The following SYTL5 variants were observed in gnomAD, a reference collection of about 807,000 sequenced individuals.
SYTL5 encodes the protein synaptotagmin like 5.
Under a neutral mutation model 55.9 loss-of-function variants are expected in SYTL5, and 34 were observed. The ratio of observed to expected loss-of-function variants is 0.61; its 90% confidence interval spans 0.46 to 0.81. SYTL5 has a LOEUF of 0.81. Among genes scored for constraint, SYTL5 ranks in the 30% least tolerant of loss-of-function variants. SYTL5 has a pLI of 0.00. For missense variants in SYTL5, 637 were observed against 546.7 expected (o/e 1.17, Z -1.65); for synonymous variants, 221 against 188.7 (o/e 1.17, Z -1.40).
intron 1 of SYTL5, among the ~76,000 whole-genome samples, chrX:38,013,463 G>A (rs1334191558): frequency 9.0e-6 from 1 of 111,513 alleles, no homozygotes; most frequent in Non-Finnish European, 1.9e-5. Flanking sequence ...GTTCAGTACT[G>A]CTCCTAATGA....
chrX:37,911,583 C>G, the SYTL5 span, among the ~76,000 whole-genome samples: 7 of 111,334 alleles, frequency 6.3e-5, no homozygotes, highest in Non-Finnish European at 9.4e-5. Flanking sequence ...AATTTCCCCC[C>G]TAAAACATTA....
At chrX:38,028,460 G>A (rs1032057646) in intron 1 of SYTL5, among the ~76,000 whole-genome samples, 2 of 112,351 alleles carry the variant, frequency 1.8e-5, no homozygotes, top group South Asian at 7.4e-4. Flanking sequence ...GAGAAGTCAG[G>A]TAGAGAGAAA....
At chrX:37,939,665 T>C in the SYTL5 span, 1 of 112,670 alleles carries the variant, frequency 8.9e-6, no homozygotes, top group Non-Finnish European at 1.9e-5. Flanking sequence ...GAAAATTTCC[T>C]ACATCTGAGG....
chrX:37,968,228 A>G, the SYTL5 span, among the ~76,000 whole-genome samples: 1 of 111,074 alleles, frequency 9.0e-6, no homozygotes, highest in Non-Finnish European at 1.9e-5. Flanking sequence ...AGTACTAGAA[A>G]GGCGAAAACA....
chrX:37,909,205 C>T, the SYTL5 span, among the ~76,000 whole-genome samples: 24,663 of 111,160 alleles, frequency 0.22, 2,402 homozygotes, highest in African/African-American at 0.37. Context: ...TATTATTGCC[C>T]GCTTTGATTT....
At chrX:38,123,599 A>G (rs1569195681) in intron 15 of SYTL5, among the ~76,000 whole-genome samples, 1 of 112,021 alleles carries the variant, frequency 8.9e-6, no homozygotes, top group Non-Finnish European at 1.9e-5. Flanking sequence ...AATTTGTGTC[A>G]TTAGCCCTAC....
chrX:37,952,062 G>A, the SYTL5 span, among the ~76,000 whole-genome samples: 1 of 111,207 alleles, frequency 9.0e-6, no homozygotes, highest in Non-Finnish European at 1.9e-5. Flanking sequence ...TCTAGGAATT[G>A]TTGGAATGTA....
chrX:38,096,379 A>G, intron 9 of SYTL5, 145 bp downstream of exon 9: 1 of 337,687 alleles, frequency 3.0e-6, no homozygotes, highest in Non-Finnish European at 5.2e-6. Context: ...TTCACAGTCA[A>G]CACATAAAAA....
At chrX:37,953,930 T>G in the SYTL5 span, among the ~76,000 whole-genome samples, 1 of 111,629 alleles carries the variant, frequency 9.0e-6, no homozygotes, top group Non-Finnish European at 1.9e-5. Flanking sequence ...GCAATGCGTA[T>G]GTATTTTAGA....
At chrX:37,978,827 T>C in the SYTL5 span, among the ~76,000 whole-genome samples, 1 of 111,093 alleles carries the variant, frequency 9.0e-6, no homozygotes, top group Non-Finnish European at 1.9e-5. Flanking sequence ...TTAAGGATCT[T>C]GAGTACATTT....
At chrX:37,970,708 G>A in the SYTL5 span, among the ~76,000 whole-genome samples, 1 of 111,330 alleles carries the variant, frequency 9.0e-6, no homozygotes, top group Non-Finnish European at 1.9e-5. Context: ...CATTCTTATA[G>A]CTGTGAGTTT....
intron 4 of SYTL5, among the ~76,000 whole-genome samples, 186 bp downstream of exon 4, chrX:38,072,348 A>G (rs1023063174): frequency 2.7e-5 from 3 of 112,135 alleles, no homozygotes; most frequent in Admixed American, 9.5e-5. Context: ...TCAGTAGAAA[A>G]CAAAATTCAC....
At chrX:38,094,903 A>G (rs775106459) in intron 8 of SYTL5, among the ~76,000 whole-genome samples, 45 of 111,801 alleles carry the variant, frequency 4.0e-4, no homozygotes, top group African/African-American at 1.3e-3. Flanking sequence ...TTTCATTTGC[A>G]TGGTACACTC....
chrX:38,089,616 A>G, intron 7 of SYTL5, 29 bp downstream of exon 7: 1 of 1,180,851 alleles, frequency 8.5e-7, no homozygotes, highest in Non-Finnish European at 1.1e-6. Flanking sequence ...TGAACACCGT[A>G]TTAGTTCATT....
At chrX:38,110,226 T>C in intron 12 of SYTL5, 95 bp from the exon 13 acceptor site, 2 of 576,053 alleles carry the variant, frequency 3.5e-6, no homozygotes, top group Non-Finnish European at 2.6e-6. Context: ...TACTGATGCA[T>C]ATGATCTGAA....
chrX:38,079,199 T>C (rs918020296), intron 6 of SYTL5, among the ~76,000 whole-genome samples: 6 of 111,968 alleles, frequency 5.4e-5, no homozygotes, highest in Admixed American at 1.9e-4. Flanking sequence ...TACTAATATT[T>C]CCCCTTTTTC....
chrX:38,041,807 A>G (rs1254479199), intron 2 of SYTL5, among the ~76,000 whole-genome samples: 1 of 112,319 alleles, frequency 8.9e-6, no homozygotes, highest in East Asian at 2.8e-4. Flanking sequence ...TAAACTTGCC[A>G]GATCATTTTT....
chrX:38,071,678 G>A (rs1215088301), intron 3 of SYTL5, among the ~76,000 whole-genome samples: 2 of 111,686 alleles, frequency 1.8e-5, no homozygotes, highest in African/African-American at 3.3e-5. Context: ...CAGTGGTTAA[G>A]AACTTGAGCC....
chrX:37,890,892 C>T, the SYTL5 span, among the ~76,000 whole-genome samples: 5 of 111,925 alleles, frequency 4.5e-5, no homozygotes, highest in Non-Finnish European at 9.4e-5. Flanking sequence ...AAAAAACAGG[C>T]TAGGTGTGGT....
Sources: allele counts gnomAD v4.1 joint callset (sites outside exome capture counted in the v4.1 genomes callset), GRCh38; gene constraint gnomAD v4.1.1; transcripts MANE v1.5; gene names NCBI Gene and HGNC (gene_info 2026-07-23, HGNC 2026-07-21).